The following INPP4B variants were observed in gnomAD, a reference collection of about 807,000 sequenced individuals.
The protein encoded by INPP4B is inositol polyphosphate 4-phosphatase type II.
A neutral mutation model predicts 122.5 loss-of-function variants in INPP4B; 55 were observed. The ratio of observed to expected loss-of-function variants is 0.45; its 90% CI spans 0.36 to 0.56. INPP4B has a LOEUF of 0.56. Ranked by LOEUF, INPP4B falls within the 20% of genes least tolerant of loss-of-function variation. The pLI, the probability that INPP4B is intolerant of heterozygous loss-of-function variation, is 0.00. For synonymous variants in INPP4B, 403 were observed against 388.7 expected (o/e 1.04, Z -0.43); for missense variants, 1,000 against 1,097.7 (o/e 0.91, Z 1.26).
chr4:142,180,144 T>A (rs1025913478), intron 15 of INPP4B, among the ~76,000 whole-genome samples: 3 of 152,144 alleles, frequency 2.0e-5, no homozygotes, highest in Non-Finnish European at 4.4e-5. Flanking sequence ...TGTCCTAAAA[T>A]GGGATTGTGA....
At chr4:142,656,749 T>C (rs114830038) in intron 2 of INPP4B, among the ~76,000 whole-genome samples, 37 of 152,350 alleles carry the variant, frequency 2.4e-4, no homozygotes, top group African/African-American at 8.4e-4. Context: ...ACTGCTTTTT[T>C]GTTCTTTCTC....
At chr4:142,686,296 T>A (rs1447934707) in intron 2 of INPP4B, among the ~76,000 whole-genome samples, 2 of 152,062 alleles carry the variant, frequency 1.3e-5, no homozygotes, top group Non-Finnish European at 2.9e-5. Context: ...GAACCCTTAT[T>A]AGGGAGAAAC....
intron 15 of INPP4B, among the ~76,000 whole-genome samples, chr4:142,179,561 T>TGAAAAATGCTGCTAATAG (rs145763456): frequency 6.9e-6 from 1 of 143,968 alleles, no homozygotes; most frequent in South Asian, 2.1e-4. Context: ...ATTAGCTCTG[T>TGAAAAATGCTGCTAATAG]GAAAAAAAAA....
chr4:142,470,567 C>G (rs1313022384), intron 2 of INPP4B, among the ~76,000 whole-genome samples: 2 of 152,146 alleles, frequency 1.3e-5, no homozygotes, highest in East Asian at 3.9e-4. Flanking sequence ...ATGCTCATTT[C>G]AGGCACATCC....
At chr4:142,477,754 A>G (rs902392697) in intron 2 of INPP4B, among the ~76,000 whole-genome samples, 3 of 152,214 alleles carry the variant, frequency 2.0e-5, no homozygotes, top group South Asian at 2.1e-4. Flanking sequence ...TAATAGACCA[A>G]TAATGAGTTC....
At chr4:142,376,128 A>G (rs997634583) in intron 7 of INPP4B, among the ~76,000 whole-genome samples, 4 of 152,068 alleles carry the variant, frequency 2.6e-5, no homozygotes, top group Non-Finnish European at 5.9e-5. Flanking sequence ...TTTTATATGG[A>G]ATAAGTATTG....
rs781076599 is a variant in INPP4B, at chr4:142,537,400, G to GCATATATATATATATA, written c.-190-74675_-190-74674insTATATATATATATATG. On this transcript the variant is annotated intron_variant, in intron 2 of 25. Transcript: ENST00000262992. ...TCAGAGACCAGAGATTTTACATACAGTATATATATATATATATATATATAT... is the reference window on the plus strand; with the variant it reads ...TCAGAGACCAGAGATTTTACATACAGCATATATATATATATATATATATATATATATATATATATAT... Among the ~76,000 whole-genome samples the GCATATATATATATATA allele has an allele frequency of 1.5e-4, 5 of 32,992 alleles. 1 individual carries two copies. The highest frequency in any genetic ancestry group is 1.4e-4 in the Non-Finnish European group (2 of 13,926). 21.6% of individuals were successfully genotyped at this position (32,992 alleles called of 152,430 possible).
At chr4:142,687,943 T>C (rs369901379) in intron 2 of INPP4B, among the ~76,000 whole-genome samples, 3 of 152,226 alleles carry the variant, frequency 2.0e-5, no homozygotes, top group East Asian at 3.9e-4. Context: ...TATGAAACCC[T>C]TGTTCCACTA....
At chr4:142,429,106 C>G in intron 5 of INPP4B, 67 bp downstream of exon 5, 1 of 823,978 alleles carries the variant, frequency 1.2e-6, no homozygotes. Context: ...AAGCAATCTA[C>G]CTATACTTTG....
chr4:142,447,700 C>A (rs982412051), intron 3 of INPP4B, among the ~76,000 whole-genome samples: 4 of 152,124 alleles, frequency 2.6e-5, no homozygotes, highest in Admixed American at 1.3e-4. Flanking sequence ...GGAGTTTGAA[C>A]AATAAGCATA....
At chr4:142,502,703 A>G (rs1823544650) in intron 2 of INPP4B, among the ~76,000 whole-genome samples, 1 of 150,924 alleles carries the variant, frequency 6.6e-6, no homozygotes, top group Non-Finnish European at 1.5e-5. Flanking sequence ...CTGGTCTTGA[A>G]CTCCCAACCT....
At chr4:142,487,315 G>A (rs1479875580) in intron 2 of INPP4B, among the ~76,000 whole-genome samples, 2 of 152,040 alleles carry the variant, frequency 1.3e-5, no homozygotes, top group South Asian at 2.1e-4. Context: ...TGTAAAAATG[G>A]ACTAATACAT....
intron 18 of INPP4B, among the ~76,000 whole-genome samples, chr4:142,134,594 G>A (rs1018820943): frequency 1.5e-4 from 23 of 151,976 alleles, no homozygotes; most frequent in African/African-American, 4.3e-4. Flanking sequence ...TCGGGAGTTC[G>A]AGATCAGCCT....
chr4:142,287,359 T>A (rs1754214872), intron 9 of INPP4B: 1 of 152,176 alleles, frequency 6.6e-6, no homozygotes, highest in Admixed American at 6.5e-5. Flanking sequence ...AAATACAAAA[T>A]ACCTCCACAC....
chr4:142,368,950 GT>G (rs1451204532), intron 7 of INPP4B, among the ~76,000 whole-genome samples: 1 of 152,020 alleles, frequency 6.6e-6, no homozygotes, highest in African/African-American at 2.4e-5. Context: ...AGAGACTAGT[GT>G]TTTGGGGTAA....
chr4:142,531,750 C>T (rs1327773277), intron 2 of INPP4B, among the ~76,000 whole-genome samples: 2 of 151,760 alleles, frequency 1.3e-5, no homozygotes, highest in African/African-American at 4.8e-5. Context: ...GGGGAAAGAC[C>T]CTACCAAATA....
intron 6 of INPP4B, among the ~76,000 whole-genome samples, chr4:142,403,335 G>C (rs996588623): frequency 3.3e-5 from 5 of 151,910 alleles, no homozygotes; most frequent in African/African-American, 1.2e-4. Context: ...CTTCTTTAGG[G>C]TTAGTTAATT....
chr4:142,326,481 A>G (rs932456188), intron 7 of INPP4B, among the ~76,000 whole-genome samples: 2 of 152,204 alleles, frequency 1.3e-5, no homozygotes, highest in Non-Finnish European at 2.9e-5. Context: ...GATATTATTA[A>G]CATATGAAAC....
At chr4:142,264,816 G>A (rs1287144655) in intron 10 of INPP4B, among the ~76,000 whole-genome samples, 9 of 152,296 alleles carry the variant, frequency 5.9e-5, no homozygotes, top group African/African-American at 2.2e-4. Context: ...CATATTTGGA[G>A]ATAAGGGCCT....
Sources: gnomAD v4.1 joint callset for allele counts (sites outside exome capture counted in the v4.1 genomes callset) on GRCh38, gnomAD v4.1.1 for gene constraint, MANE v1.5 for transcripts, NCBI Gene and HGNC (gene_info 2026-07-23, HGNC 2026-07-21) for gene names.